RTL4: variants seen among roughly 807,000 people sequenced by gnomAD.
RTL4 encodes the protein retrotransposon Gag like 4, also known as retrotransposon Gag-like protein 4.
RTL4 carries 4 observed loss-of-function variants against 5.3 expected under a neutral mutation model. The ratio of observed to expected loss-of-function variants is 0.75; its 90% CI spans 0.37 to 1.72. RTL4 has a LOEUF of 1.72. Among genes scored for constraint, RTL4 ranks in the 40% most tolerant of loss-of-function variants. The pLI is 0.04. For missense variants in RTL4, 260 were observed against 227.1 expected (o/e 1.14, Z -0.93); for synonymous variants, 98 against 87.3 (o/e 1.12, Z -0.68).
chrX:112,306,324 T>C, the RTL4 span, among the ~76,000 whole-genome samples: 1 of 111,728 alleles, frequency 9.0e-6, no homozygotes, highest in African/African-American at 3.3e-5. Flanking sequence ...GAGAACAATG[T>C]GTGACAATTG....
At chrX:112,121,391 A>G in the RTL4 span, among the ~76,000 whole-genome samples, 1 of 112,141 alleles carries the variant, frequency 8.9e-6, no homozygotes. Context: ...AACAACAAAA[A>G]GAACAAATTT....
At chrX:112,096,357 G>C in the RTL4 span, among the ~76,000 whole-genome samples, 1 of 111,847 alleles carries the variant, frequency 8.9e-6, no homozygotes, top group Non-Finnish European at 1.9e-5. Flanking sequence ...ACCAACTATA[G>C]GCATCCCATT....
the RTL4 span, among the ~76,000 whole-genome samples, chrX:112,131,293 C>T: frequency 9.3e-6 from 1 of 107,642 alleles, no homozygotes; most frequent in Non-Finnish European, 1.9e-5. Context: ...GATAAGGGAA[C>T]TTGTACTGTA....
At chrX:112,185,907 G>A in the RTL4 span, among the ~76,000 whole-genome samples, 1 of 111,085 alleles carries the variant, frequency 9.0e-6, no homozygotes, top group African/African-American at 3.3e-5. Context: ...GAGCTAATTA[G>A]TTTCCATAAG....
chrX:112,326,623 G>T, the RTL4 span, among the ~76,000 whole-genome samples: 122 of 112,178 alleles, frequency 1.1e-3, no homozygotes, highest in Non-Finnish European at 2.1e-3. Context: ...AAACAAAGCA[G>T]CCGGGAAGCT....
chrX:112,234,317 A>C, the RTL4 span, among the ~76,000 whole-genome samples: 1 of 111,357 alleles, frequency 9.0e-6, no homozygotes, highest in African/African-American at 3.3e-5. Context: ...CACCTTATAC[A>C]CTCTTATCCC....
At chrX:112,214,709 C>T in the RTL4 span, among the ~76,000 whole-genome samples, 27 of 111,998 alleles carry the variant, frequency 2.4e-4, no homozygotes, top group African/African-American at 7.1e-4. Flanking sequence ...TTCATAATAG[C>T]CATTCTAACA....
the RTL4 span, among the ~76,000 whole-genome samples, chrX:112,113,719 T>C: frequency 2.7e-5 from 3 of 111,930 alleles, 1 homozygote; most frequent in African/African-American, 9.8e-5. Flanking sequence ...TACTTCAGCA[T>C]AGTGGGCAAG....
upstream of RTL4, among the ~76,000 whole-genome samples, chrX:112,451,791 T>G (rs181524011): frequency 7.2e-3 from 801 of 111,291 alleles, 5 homozygotes; most frequent in African/African-American, 0.025. Context: ...TATGTGGAGG[T>G]AGAATAGTGT....
the RTL4 span, among the ~76,000 whole-genome samples, chrX:112,264,366 C>T: frequency 9.0e-6 from 1 of 111,053 alleles, no homozygotes; most frequent in African/African-American, 3.3e-5. Flanking sequence ...TAAACAGCTC[C>T]ACACACACTG....
the RTL4 span, among the ~76,000 whole-genome samples, chrX:112,436,033 A>G: frequency 9.0e-6 from 1 of 111,490 alleles, no homozygotes; most frequent in Non-Finnish European, 1.9e-5. Context: ...TCTGACCAAC[A>G]TGGTGAAACC....
chrX:112,187,475 C>T, the RTL4 span, among the ~76,000 whole-genome samples: 1 of 111,287 alleles, frequency 9.0e-6, no homozygotes, highest in African/African-American at 3.3e-5. Context: ...GGTACAGAAC[C>T]CAACATTCTG....
the RTL4 span, among the ~76,000 whole-genome samples, chrX:112,101,770 G>A: frequency 9.0e-6 from 1 of 110,581 alleles, no homozygotes; most frequent in African/African-American, 3.3e-5. Flanking sequence ...AGGTCATACT[G>A]GATTAGGGTG....
the RTL4 span, among the ~76,000 whole-genome samples, chrX:112,105,831 C>G: frequency 7.2e-5 from 8 of 111,414 alleles, no homozygotes; most frequent in Admixed American, 6.7e-4. Context: ...CAAATAGAAA[C>G]AGTTGAACTT....
At chrX:112,178,277 C>G in the RTL4 span, among the ~76,000 whole-genome samples, 14 of 111,652 alleles carry the variant, frequency 1.3e-4, no homozygotes, top group East Asian at 3.7e-3. Flanking sequence ...AAGCAGCTTT[C>G]CCCGATGATT....
chrX:112,187,780 T>G, the RTL4 span, among the ~76,000 whole-genome samples: 1 of 111,678 alleles, frequency 9.0e-6, no homozygotes, highest in African/African-American at 3.3e-5. Context: ...CCTCCAAAAC[T>G]AATGATATGG....
chrX:112,336,777 G>T, the RTL4 span, among the ~76,000 whole-genome samples: 1 of 111,821 alleles, frequency 8.9e-6, no homozygotes, highest in Non-Finnish European at 1.9e-5. Context: ...CACTACTATA[G>T]AACAGGGATT....
At chrX:112,150,609 A>G in the RTL4 span, among the ~76,000 whole-genome samples, 1 of 112,126 alleles carries the variant, frequency 8.9e-6, no homozygotes, top group Non-Finnish European at 1.9e-5. Flanking sequence ...AGAGTAAAAA[A>G]TCCCATTGAA....
At chrX:112,091,675 G>A in the RTL4 span, among the ~76,000 whole-genome samples, 6 of 110,937 alleles carry the variant, frequency 5.4e-5, no homozygotes, top group African/African-American at 1.6e-4. Flanking sequence ...CTATTCTGGA[G>A]CATGTTCCAC....
Sources: allele counts gnomAD v4.1 joint callset (sites outside exome capture counted in the v4.1 genomes callset), GRCh38; gene constraint gnomAD v4.1.1; transcripts MANE v1.5; gene names NCBI Gene and HGNC (gene_info 2026-07-23, HGNC 2026-07-21).